Variants in PCDH10 observed in about 807,000 individuals in gnomAD.
PCDH10 encodes the protein protocadherin-10.
A neutral mutation model predicts 74.4 loss-of-function variants in PCDH10; 15 were observed. The observed-to-expected ratio is 0.20, with a 90% CI of 0.13 to 0.31. The LOEUF (loss-of-function observed/expected upper bound fraction) is 0.31, where lower values mean the gene tolerates loss of function less well. Among genes scored for constraint, PCDH10 ranks in the 10% least tolerant of loss-of-function variants. The probability of loss-of-function intolerance (pLI) is 1.00; values close to 1 mark genes in which losing one functional copy is unlikely to be tolerated. For missense variants in PCDH10, 1,260 were observed against 1,390.2 expected (o/e 0.91, Z 1.49); for synonymous variants, 619 against 589.8 (o/e 1.05, Z -0.72).
rs1727753379 is a variant in PCDH10 at position 133,194,573 on chromosome 4, G to T, written c.*4413G>T. The T allele has an allele frequency of 2.6e-5, 4 of 151,840 alleles. No homozygotes were observed. The allele number at this position is 151,840 out of a possible 1,614,324, so 9.4% of individuals were successfully genotyped here. A position where few individuals can be genotyped will look rare whatever the true frequency, so the allele number is the denominator to read the frequency against. On this transcript the variant is annotated 3_prime_UTR_variant, in exon 5 of 5. Transcript: ENST00000264360. ...ATGTAATAAATTATTTTATACTGCT[G>T]TATACATATGAAATAAATAAAACTA... is the stretch of plus-strand genomic sequence containing the variant.
At chr4:133,162,895 A>G in intron 3 of PCDH10, 82 bp from the exon 4 acceptor site, 1 of 1,189,310 alleles carries the variant, frequency 8.4e-7, no homozygotes, top group African/African-American at 1.5e-5. Context: ...GTCACCCTTT[A>G]TGCTACCTGT....
chr4:133,184,359 A>C (rs1727484073), intron 4 of PCDH10, among the ~76,000 whole-genome samples: 1 of 152,100 alleles, frequency 6.6e-6, no homozygotes, highest in South Asian at 2.1e-4. Context: ...ACAGTAGCTC[A>C]TGCCTATAAT....
At chr4:133,154,468 T>G (rs1726819460) in intron 2 of PCDH10, 103 bp downstream of exon 2, 4 of 644,734 alleles carry the variant, frequency 6.2e-6, no homozygotes, top group African/African-American at 5.6e-5. Context: ...GTATAAAATA[T>G]TTTCAATTAA....
Position 133,163,268 on chromosome 4 carries a change from AACC to A in PCDH10, c.3094_3096del (p.Pro1032del). 1 of 1,611,532 alleles carries A rather than the reference AACC, an allele frequency of 6.2e-7. No individual in the cohort carries two copies. The highest frequency in any genetic ancestry group is 8.5e-7 in the Non-Finnish European group (1 of 1,178,708). On this transcript the variant is annotated inframe_deletion, in exon 4 of 5. Transcript: ENST00000264360. ...CTGACTAATACGCGAGCGCCTTACA[AACC>A]ACCATATTTGAGTAAGTATTACACA...
downstream of PCDH10, among the ~76,000 whole-genome samples, chr4:133,199,666 G>T (rs576883468): frequency 6.6e-6 from 1 of 151,090 alleles, no homozygotes; most frequent in Non-Finnish European, 1.5e-5. Flanking sequence ...TTGTAGAAAG[G>T]CTTTCTAATT....
Position 133,152,193 on chromosome 4 carries a change from C to A in PCDH10, c.2053C>A (p.Pro685Thr). Residue 685 changes from proline (P) to threonine (T), a missense_variant, in exon 1 of 5, where the codon CCC (proline) becomes ACC (threonine). Physicochemically the swap from Pro to Thr is conservative, Grantham distance 38. Coordinates refer to ENST00000264360, the MANE Select transcript of PCDH10 (RefSeq NM_032961.3). ...TCAGCTGGTGGATGGCGCCGTGGAG[C>A]CCCAGGGCGGGGGCGGGAGCGGAGG... ...VVQLVDGAVE[P>T]QGGGGSGGGG... 1 of 1,578,496 alleles carries A rather than the reference C, an allele frequency of 6.3e-7. No homozygotes were observed. Among genetic ancestry groups the A allele is most frequent in the South Asian group, 1.2e-5 (1 of 84,768 alleles).
rs1727009682 is a variant in PCDH10, at chr4:133,163,259, C to T, written c.3080C>T (p.Ala1027Val). ...GATGGACTGCTGACTAATACGCGAG[C>T]GCCTTACAAACCACCATATTTGAGT... ...ELDGLLTNTR[A>V]PYKPPYLTRK... Residue 1027 changes from alanine to valine, a missense_variant, in exon 4 of 5, where the codon GCG becomes GTG. Transcript: ENST00000264360. The T allele has an allele frequency of 1.2e-6, 2 of 1,612,646 alleles. No homozygotes were observed. Among genetic ancestry groups the T allele is most frequent in the Admixed American group, 1.7e-5 (1 of 59,858 alleles).
At chr4:133,171,585 A>C (rs72715793) in intron 4 of PCDH10, among the ~76,000 whole-genome samples, 1 of 152,260 alleles carries the variant, frequency 6.6e-6, no homozygotes, top group Non-Finnish European at 1.5e-5. Context: ...AATAGATATA[A>C]TAAATTTGTC....
At chr4:133,207,857 C>A (rs1364110866) in intron 2 of PCDH10, among the ~76,000 whole-genome samples, 2 of 152,050 alleles carry the variant, frequency 1.3e-5, no homozygotes, top group African/African-American at 2.4e-5. Context: ...GGTTGACAGC[C>A]TCTGTGATGG....
intron 4 of PCDH10, chr4:133,163,968 A>G (rs1010053288): frequency 2.2e-6 from 1 of 451,158 alleles, no homozygotes; most frequent in South Asian, 1.6e-5. Flanking sequence ...GGTTGTGGCT[A>G]TTAACCTGGA....
At chr4:133,178,440 T>C (rs866747635) in intron 4 of PCDH10, among the ~76,000 whole-genome samples, 115 of 152,150 alleles carry the variant, frequency 7.6e-4, no homozygotes, top group African/African-American at 2.7e-3. Context: ...TTCTCCATGT[T>C]GGTCAGGCTG....
Position 133,183,272 on chromosome 4 carries a change from C to A in PCDH10, c.3104-6869C>A, listed in dbSNP as rs141688198. On this transcript the variant is annotated intron_variant, in intron 4 of 4. Coordinates refer to ENST00000264360, the MANE Select transcript of PCDH10 (RefSeq NM_032961.3). ...TAGTTGACATAGTTGCAGTAATCCA[C>A]TGGAAAGATATTTCCTGGTGAAACA... Among the ~76,000 whole-genome samples the A allele has an allele frequency of 4.7e-3, 723 of 152,222 alleles. 5 individuals are homozygous for A. Among genetic ancestry groups the A allele is most frequent in the African/African-American group, 0.016 (681 of 41,558 alleles).
chr4:133,185,824 CAT>C (rs1239635608), intron 4 of PCDH10, among the ~76,000 whole-genome samples: 2 of 152,102 alleles, frequency 1.3e-5, no homozygotes, highest in Non-Finnish European at 2.9e-5. Flanking sequence ...TTTATACAAT[CAT>C]AAAGTATAAA....
chr4:133,200,258 A>C (rs1727878179), intron 2 of PCDH10, among the ~76,000 whole-genome samples: 1 of 151,976 alleles, frequency 6.6e-6, no homozygotes, highest in African/African-American at 2.4e-5. Flanking sequence ...GTAAATTATA[A>C]TTAGTTTTAA....
At position 133,150,941 on chromosome 4, in the gene PCDH10, T is replaced by C. The variant is rs762172525; in HGVS notation, c.801T>C (p.Thr267=). 16 of 1,613,714 alleles carry C rather than the reference T, an allele frequency of 9.9e-6. No homozygotes were observed. In the South Asian group the frequency reaches 1.8e-4, roughly 18 times the overall value. Reference sequence around the variant, plus strand: ...TACCAGAGAACTCTCCCCCAGGCACTCTCGTGATCCAGCTCAACGCCACCG... The same window carrying C: ...TACCAGAGAACTCTCCCCCAGGCACCCTCGTGATCCAGCTCAACGCCACCG... The part of the protein sequence containing the change: ...VSLPENSPPG[T]LVIQLNATDP... Residue 267 remains threonine (T), a synonymous_variant, in exon 1 of 5, where the codon ACT becomes ACC. Coordinates refer to ENST00000264360, the MANE Select transcript of PCDH10 (RefSeq NM_032961.3).
Position 133,151,826 on chromosome 4 carries a change from C to A in PCDH10, c.1686C>A (p.Ile562=). 1 of 1,613,100 alleles carries A rather than the reference C, an allele frequency of 6.2e-7. No homozygotes were observed. The highest frequency in any genetic ancestry group is 8.5e-7 in the Non-Finnish European group (1 of 1,180,036). ...TGGCTGGTAACGCCACTGTCAACAT[C>A]CTCATAGTGGATCAAAATGACAACG... ...QALAGNATVN[I]LIVDQNDNAP... is the part of the protein sequence containing the mutation. Residue 562 remains isoleucine, a synonymous_variant, in exon 1 of 5, where the codon ATC becomes ATA. Transcript: ENST00000264360.
At position 133,152,299 on chromosome 4, in the gene PCDH10, T is replaced by C; in HGVS notation, c.2159T>C (p.Ile720Thr). The change falls in exon 1 of 5, where the codon ATC becomes ACC. Residue 720 changes from isoleucine to threonine, a missense_variant. This residue lies in a region of PCDH10 where 587 missense variants were observed against 616.9 expected (regional missense o/e 0.95). Coordinates refer to ENST00000264360, the MANE Select transcript of PCDH10 (RefSeq NM_032961.3). The part of the protein sequence containing the change: ...TSLDLTLILI[I>T]ALGSVSFIFL... ...CTAGACCTCACCCTCATCCTCATCA[T>C]CGCGTTGGGCTCGGTGTCCTTCATC... is the stretch of plus-strand genomic sequence containing the variant. The C allele has an allele frequency of 6.2e-7, 1 of 1,614,106 alleles. No homozygotes were observed. The highest frequency in any genetic ancestry group is 8.5e-7 in the Non-Finnish European group (1 of 1,180,004).
At chr4:133,175,302 T>C (rs537678769) in intron 4 of PCDH10, among the ~76,000 whole-genome samples, 1 of 152,186 alleles carries the variant, frequency 6.6e-6, no homozygotes, top group South Asian at 2.1e-4. Context: ...TTTAAAACTG[T>C]AAAAACTTTT....
At position 133,158,869 on chromosome 4, in the gene PCDH10, G is replaced by T. The variant is rs534136860; in HGVS notation, c.2797+3846G>T. On this transcript the variant is annotated intron_variant, in intron 3 of 4. Transcript: ENST00000264360. ...GAGATTTATAACTGGAGGCAATATA[G>T]AAGATGAAATATTGAGAGGAAATGG... 8.5e-5 allele frequency among the ~76,000 whole-genome samples: 13 copies of T among 152,164 alleles called. 1 individual carries two copies. The South Asian group carries it at 2.7e-3, about 32-fold the overall frequency.
Sources: allele counts gnomAD v4.1 joint callset (sites outside exome capture counted in the v4.1 genomes callset), GRCh38; gene constraint gnomAD v4.1.1; regional missense constraint gnomAD v4.1.1; transcripts MANE v1.5; gene names NCBI Gene and HGNC (gene_info 2026-07-23, HGNC 2026-07-21).